Variants in KLHL29 observed in about 807,000 individuals in gnomAD.
KLHL29 encodes the protein kelch-like protein 29.
A neutral mutation model predicts 80.4 loss-of-function variants in KLHL29; 21 were observed. The ratio of observed to expected loss-of-function variants is 0.26; its 90% CI spans 0.19 to 0.38. The LOEUF (loss-of-function observed/expected upper bound fraction) is 0.38, where lower values mean the gene tolerates loss of function less well. Ranked by LOEUF, KLHL29 falls within the 10% of genes least tolerant of loss-of-function variation. KLHL29 has a pLI of 1.00. For synonymous variants in KLHL29, 511 were observed against 526.8 expected (o/e 0.97, Z 0.41); for missense variants, 867 against 1,223.9 (o/e 0.71, Z 4.35).
intron 1 of KLHL29, among the ~76,000 whole-genome samples, chr2:23,407,953 C>A (rs1413421779): frequency 6.6e-6 from 1 of 151,900 alleles, no homozygotes; most frequent in Non-Finnish European, 1.5e-5. Flanking sequence ...TTCTTGTCAT[C>A]CAGGCTGGAG....
intron 1 of KLHL29, among the ~76,000 whole-genome samples, chr2:23,458,695 G>A (rs1664130266): frequency 6.6e-6 from 1 of 152,196 alleles, no homozygotes; most frequent in African/African-American, 2.4e-5. Context: ...CATGAACCAG[G>A]TGAAGAGAGA....
At chr2:23,633,191 C>T (rs769569306) in intron 3 of KLHL29, among the ~76,000 whole-genome samples, 4 of 152,150 alleles carry the variant, frequency 2.6e-5, no homozygotes, top group Non-Finnish European at 4.4e-5. Flanking sequence ...CTTTGTCTGG[C>T]GTTGTCCCTG....
At position 23,682,879 on chromosome 2, in the gene KLHL29, G is replaced by T. The variant is rs985509303; in HGVS notation, c.941-1520G>T. On this transcript the variant is annotated intron_variant, in intron 5 of 13. Coordinates refer to ENST00000486442, the MANE Select transcript of KLHL29 (RefSeq NM_052920.2). The surrounding 1 kb of genome is among the most constrained non-coding windows in gnomAD (Gnocchi z 4.1). Reference sequence around the variant, plus strand: ...CTCAGTGTGACTTGGGGTTGGCGGGGTCAGTGATTCGGCCTTGCCATGGCT... The same window carrying T: ...CTCAGTGTGACTTGGGGTTGGCGGGTTCAGTGATTCGGCCTTGCCATGGCT... Among the ~76,000 whole-genome samples the T allele has an allele frequency of 2.2e-5, 2 of 92,298 alleles. No homozygotes were observed. The highest frequency in any genetic ancestry group is 2.5e-4 in the Admixed American group (2 of 8,052). The allele number at this position is 92,298 out of a possible 152,430, so 60.6% of individuals were successfully genotyped here.
chr2:23,703,385 A>G lies in KLHL29; in HGVS notation c.2299+6A>G, dbSNP rs1034110632. ...CATCGAGTCCCCAATGATTGGTGAG[A>G]ACCAGCGGTGTCCTCAGCCCAGGGC... On this transcript the variant is annotated splice_donor_region_variant and intron_variant, in intron 12 of 13. Coordinates refer to ENST00000486442, the MANE Select transcript of KLHL29 (RefSeq NM_052920.2). 1 of 1,486,492 alleles carries G rather than the reference A, an allele frequency of 6.7e-7. No homozygotes were observed. The highest frequency in any genetic ancestry group is 2.3e-5 in the Admixed American group (1 of 44,352). The allele number at this position is 1,486,492 out of a possible 1,614,324, so 92.1% of individuals were successfully genotyped here.
In KLHL29 at chr2:23,457,247, A is replaced by T. The variant is rs547097204; in HGVS notation, c.-153-18313A>T. ...ACTGGTGTAGGATGATGTTTGACCAATGCTGAACTCATATGGGCTCTGAGC... is the reference window on the plus strand; with the variant it reads ...ACTGGTGTAGGATGATGTTTGACCATTGCTGAACTCATATGGGCTCTGAGC... On this transcript the variant is annotated intron_variant, in intron 1 of 13. Coordinates refer to ENST00000486442, the MANE Select transcript of KLHL29 (RefSeq NM_052920.2). This position sits in a 1 kb window ranked among gnomAD's most constrained non-coding sequence, Gnocchi z 4.3. Among the ~76,000 whole-genome samples the T allele has an allele frequency of 2.3e-4, 35 of 152,170 alleles. No individual in the cohort carries two copies. Among genetic ancestry groups the T allele is most frequent in the Admixed American group, 1.2e-3 (19 of 15,284 alleles).
At position 23,579,020 on chromosome 2, in the gene KLHL29, G is replaced by A. The variant is rs182788494; in HGVS notation, c.285+16539G>A. ...TCTGATGTTCTCAAGCCCAGAACCC[G>A]TGCCCCCGCCAGTCCTGGACTCCGG... is the stretch of plus-strand genomic sequence containing the variant. On this transcript the variant is annotated intron_variant, in intron 3 of 13. Coordinates refer to ENST00000486442, the MANE Select transcript of KLHL29 (RefSeq NM_052920.2). Among the ~76,000 whole-genome samples the A allele has an allele frequency of 3.1e-3, 479 of 152,302 alleles. 11 individuals are homozygous for A. The highest frequency in any genetic ancestry group is 1.5e-3 in the Non-Finnish European group (105 of 68,020).
chr2:23,407,799 T>A (rs910083096), intron 1 of KLHL29, among the ~76,000 whole-genome samples: 2 of 152,204 alleles, frequency 1.3e-5, no homozygotes, highest in African/African-American at 4.8e-5. Flanking sequence ...GGAATTTAAC[T>A]TTTTCTTAAT....
intron 1 of KLHL29, among the ~76,000 whole-genome samples, chr2:23,463,873 T>G (rs1664281134): frequency 6.6e-6 from 1 of 152,246 alleles, no homozygotes; most frequent in African/African-American, 2.4e-5. Flanking sequence ...TAATGTCCAT[T>G]ATCACTGTAT....
chr2:23,531,160 G>A (rs1449366352), intron 2 of KLHL29, among the ~76,000 whole-genome samples: 5 of 152,214 alleles, frequency 3.3e-5, no homozygotes, highest in Non-Finnish European at 7.3e-5. Flanking sequence ...TCTCCTCCTC[G>A]TCACCTGTAC....
intron 5 of KLHL29, among the ~76,000 whole-genome samples, chr2:23,673,562 T>C (rs971348298): frequency 1.3e-5 from 2 of 151,188 alleles, no homozygotes; most frequent in African/African-American, 4.9e-5. Flanking sequence ...CCATGCCACA[T>C]GCTCACACAC....
At chr2:23,558,821 G>C (rs1223988252) in intron 2 of KLHL29, among the ~76,000 whole-genome samples, 2 of 152,368 alleles carry the variant, frequency 1.3e-5, no homozygotes, top group Middle Eastern at 3.4e-3. Context: ...CTCTCTGGAA[G>C]TGCTCAGCAA....
intron 3 of KLHL29, among the ~76,000 whole-genome samples, chr2:23,605,884 C>T (rs897861190): frequency 2.0e-5 from 3 of 151,786 alleles, no homozygotes; most frequent in Non-Finnish European, 4.4e-5. Context: ...ATTCTCGTGT[C>T]TCAGCCTCCC....
intron 1 of KLHL29, among the ~76,000 whole-genome samples, chr2:23,460,255 C>G (rs546873202): frequency 6.6e-6 from 1 of 152,178 alleles, no homozygotes; most frequent in East Asian, 1.9e-4. Context: ...GGACCAGGTC[C>G]CAGTGATAGA....
chr2:23,627,250 C>T (rs1669338519), intron 3 of KLHL29, among the ~76,000 whole-genome samples: 1 of 152,216 alleles, frequency 6.6e-6, no homozygotes, highest in African/African-American at 2.4e-5. Flanking sequence ...AATACCAGCT[C>T]CTTTTAAACA....
chr2:23,515,840 C>T (rs1469721311), intron 2 of KLHL29, among the ~76,000 whole-genome samples: 6 of 152,200 alleles, frequency 3.9e-5, no homozygotes, highest in Non-Finnish European at 8.8e-5. Flanking sequence ...TCCACGGCAT[C>T]TGAGCAGAGT....
At chr2:23,414,587 G>A (rs1367165721) in intron 1 of KLHL29, among the ~76,000 whole-genome samples, 2 of 152,160 alleles carry the variant, frequency 1.3e-5, no homozygotes, top group African/African-American at 2.4e-5. Context: ...TGGGGCTGGA[G>A]AGCTCAATTT....
At chr2:23,608,616 G>A (rs1271855883) in intron 3 of KLHL29, among the ~76,000 whole-genome samples, 1 of 152,158 alleles carries the variant, frequency 6.6e-6, no homozygotes, top group Non-Finnish European at 1.5e-5. Context: ...TGGAGAAAGC[G>A]ATGCTGATAG....
At chr2:23,519,170 G>A (rs1047464090) in intron 2 of KLHL29, among the ~76,000 whole-genome samples, 7 of 152,104 alleles carry the variant, frequency 4.6e-5, no homozygotes, top group Admixed American at 3.3e-4. Context: ...GCCACCAAGC[G>A]GGGACAGCCT....
intron 1 of KLHL29, among the ~76,000 whole-genome samples, chr2:23,406,327 CAA>C (rs776095410): frequency 8.8e-5 from 4 of 45,496 alleles, no homozygotes; most frequent in Admixed American, 2.9e-4. Context: ...GACTCCATCT[CAA>C]AAAAAAAAAA....
Sources: gnomAD v4.1 joint callset for allele counts (sites outside exome capture counted in the v4.1 genomes callset) on GRCh38, gnomAD v4.1.1 for gene constraint, Gnocchi (gnomAD v3.1) non-coding constraint, MANE v1.5 for transcripts, NCBI Gene and HGNC (gene_info 2026-07-23, HGNC 2026-07-21) for gene names.